The following KL variants were observed in gnomAD, a reference collection of about 807,000 sequenced individuals.
The protein encoded by KL is alpha-klotho.
KL carries 62 observed loss-of-function variants against 84.2 expected under a neutral mutation model. The observed-to-expected ratio is 0.74, with a 90% CI of 0.60 to 0.91. The LOEUF is 0.91. KL is among the 40% of genes least tolerant of loss of function. The pLI is 0.00. For missense variants in KL, 1,261 were observed against 1,305.7 expected (o/e 0.97, Z 0.53); for synonymous variants, 528 against 528.0 (o/e 1.00, Z 0.00).
intron 1 of KL, among the ~76,000 whole-genome samples, chr13:33,031,593 A>G (rs912163890): frequency 6.6e-6 from 1 of 152,230 alleles, no homozygotes; most frequent in African/African-American, 2.4e-5. Context: ...AATACTAACA[A>G]TGATTTAAAT....
At chr13:33,024,346 G>A (rs942783435) in intron 1 of KL, among the ~76,000 whole-genome samples, 6 of 152,206 alleles carry the variant, frequency 3.9e-5, no homozygotes, top group African/African-American at 1.2e-4. Flanking sequence ...GTCTTCTGAC[G>A]TTTCAGGATA....
chr13:33,053,671 T>G, intron 1 of KL, 96 bp from the exon 2 acceptor site: 6 of 1,171,784 alleles, frequency 5.1e-6, no homozygotes, highest in Non-Finnish European at 7.5e-6. Flanking sequence ...TTAGGCTTGA[T>G]GAGAAACAGA....
chr13:33,047,247 CATA>C (rs1399494599), intron 1 of KL, among the ~76,000 whole-genome samples: 1 of 152,090 alleles, frequency 6.6e-6, no homozygotes, highest in African/African-American at 2.4e-5. Flanking sequence ...TGTCCATTTG[CATA>C]ATATGTCTCT....
rs760280213 is a variant in KL, at chr13:33,061,298, C to T, written c.2219C>T (p.Pro740Leu). ...LQADWIEPAC[P>L]FSQKDKEVAE... ...GCTGATTGGATAGAACCTGCCTGCC[C>T]TTTCTCCCAAAAGGACAAAGAGGTG... is the stretch of plus-strand genomic sequence containing the variant. Residue 740 changes from proline to leucine, a missense_variant, in exon 4 of 5, where the codon CCT becomes CTT. Pro to Leu is a moderately conservative substitution (Grantham distance 98). Transcript: ENST00000380099. 14 of 1,614,090 alleles carry T rather than the reference C, an allele frequency of 8.7e-6. No homozygotes were observed. The Admixed American group carries it at 2.0e-4, about 23-fold the overall frequency.
intron 1 of KL, 83 bp downstream of exon 1, chr13:33,017,342 G>A (rs1169590492): frequency 2.3e-6 from 3 of 1,282,816 alleles, no homozygotes; most frequent in African/African-American, 1.5e-5. Flanking sequence ...TGGGAACTGA[G>A]TCTCCCCCAG....
rs1870604388 is a variant in KL, at chr13:33,022,299, A to C, written c.819+5040A>C. 2.0e-5 allele frequency among the ~76,000 whole-genome samples: 3 copies of C among 152,234 alleles called. No homozygotes were observed. The South Asian group carries it at 6.2e-4, about 32-fold the overall frequency. Reference sequence around the variant, plus strand: ...CCTTCTGAATTATCTTATATTCTCAAAAATATCATTGCTCTAAACTAGAAT... The same window carrying C: ...CCTTCTGAATTATCTTATATTCTCACAAATATCATTGCTCTAAACTAGAAT... On this transcript the variant is annotated intron_variant, in intron 1 of 4. Transcript: ENST00000380099.
At chr13:33,047,235 G>A (rs1318289274) in intron 1 of KL, among the ~76,000 whole-genome samples, 1 of 151,978 alleles carries the variant, frequency 6.6e-6, no homozygotes, top group African/African-American at 2.4e-5. Context: ...GATTTTTAAT[G>A]CTGTCCATTT....
Position 33,064,013 on chromosome 13 carries a change from C to T in KL, c.2866C>T (p.Pro956Ser), listed in dbSNP as rs1872314003. The stretch of plus-strand genomic sequence containing the variant: ...TATTGACAGCAATGGTTTCCCGGGC[C>T]CAGAAACTCTGGAAAGATTTTGTCC... ...KIIDSNGFPGPETLERFCPEE... is the reference protein window; with the variant it reads ...KIIDSNGFPGSETLERFCPEE... Residue 956 changes from proline (P) to serine (S), a missense_variant, in exon 5 of 5, where the codon CCA becomes TCA. Pro to Ser is a moderately conservative substitution (Grantham distance 74, BLOSUM62 -1). Transcript: ENST00000380099. The T allele has an allele frequency of 6.2e-7, 1 of 1,614,106 alleles. No homozygotes were observed. Among genetic ancestry groups the T allele is most frequent in the Admixed American group, 1.7e-5 (1 of 60,016 alleles).
chr13:33,063,747 A>C (rs1224263267), intron 4 of KL, 102 bp from the exon 5 acceptor site: 3 of 1,052,074 alleles, frequency 2.9e-6, no homozygotes, highest in Non-Finnish European at 4.4e-6. Context: ...ATTGCACTCC[A>C]GCCTGTGTGA....
At chr13:33,060,110 C>T (rs113641166) in intron 3 of KL, among the ~76,000 whole-genome samples, 2 of 152,050 alleles carry the variant, frequency 1.3e-5, no homozygotes, top group Non-Finnish European at 2.9e-5. Flanking sequence ...ACTACAGGCC[C>T]GTGCCACCAT....
At chr13:33,033,493 A>C (rs1871046363) in intron 1 of KL, among the ~76,000 whole-genome samples, 1 of 152,076 alleles carries the variant, frequency 6.6e-6, no homozygotes, top group Admixed American at 6.6e-5. Flanking sequence ...CCATCCAGCC[A>C]CACTGAAGGT....
At chr13:33,063,787 A>T (rs1040351309) in intron 4 of KL, 62 bp from the exon 5 acceptor site, 2 of 1,484,136 alleles carry the variant, frequency 1.3e-6, no homozygotes, top group Admixed American at 3.4e-5. Context: ...AAAAAAAAAA[A>T]AAAGTGATGT....
intron 1 of KL, among the ~76,000 whole-genome samples, chr13:33,047,662 T>C (rs1871588048): frequency 6.6e-6 from 1 of 152,250 alleles, no homozygotes; most frequent in African/African-American, 2.4e-5. Context: ...TGTCTTGTAC[T>C]TGGAACATTT....
At chr13:33,048,753 CTGTT>C (rs1871632417) in intron 1 of KL, among the ~76,000 whole-genome samples, 1 of 152,240 alleles carries the variant, frequency 6.6e-6, no homozygotes, top group Non-Finnish European at 1.5e-5. Flanking sequence ...GGCTCATCAC[CTGTT>C]TCCTTCCACC....
chr13:33,043,228 C>CTTTT lies in KL; in HGVS notation c.820-10529_820-10526dup, dbSNP rs56697823. ...GTCCTTGCCAGAATTTGTTGGTAGT[C>CTTTT]TTTTTTTTTTTTTGAGGCAGCATCT... On this transcript the variant is annotated intron_variant, in intron 1 of 4. Coordinates refer to ENST00000380099, the MANE Select transcript of KL (RefSeq NM_004795.4). Among the ~76,000 whole-genome samples, 210 of 144,926 alleles carry CTTTT rather than the reference C, an allele frequency of 1.4e-3. 1 individual carries two copies. Among genetic ancestry groups the CTTTT allele is most frequent in the Middle Eastern group, 0.011 (3 of 278 alleles).
intron 3 of KL, among the ~76,000 whole-genome samples, chr13:33,057,322 C>G: frequency 6.6e-6 from 1 of 152,076 alleles, no homozygotes; most frequent in Non-Finnish European, 1.5e-5. Flanking sequence ...CTGTTCTATT[C>G]CTCATCAGGG....
Position 33,064,285 on chromosome 13 carries a change from A to G in KL, c.*99A>G, listed in dbSNP as rs974251292. ...TAAGTGTTGTGAAACTGTAAATTTC[A>G]TACATTTGACTTCTAGAAAACATTT... On this transcript the variant is annotated 3_prime_UTR_variant, in exon 5 of 5. Transcript: ENST00000380099. 1.1e-5 allele frequency: 10 copies of G among 949,758 alleles called. No homozygotes were observed. The East Asian group carries it at 2.0e-4, about 19-fold the overall frequency. 58.8% of individuals were successfully genotyped at this position (949,758 alleles called of 1,614,324 possible). A position where few individuals can be genotyped will look rare whatever the true frequency, so the allele number is the denominator to read the frequency against.
At position 33,053,971 on chromosome 13, in the gene KL, A is replaced by G; in HGVS notation, c.1024A>G (p.Lys342Glu). The G allele has an allele frequency of 6.2e-7, 1 of 1,614,022 alleles. No homozygotes were observed. The highest frequency in any genetic ancestry group is 8.5e-7 in the Non-Finnish European group (1 of 1,179,882). Residue 342 changes from lysine (K) to glutamate (E), a missense_variant, in exon 2 of 5, where the codon AAG (lysine) becomes GAG (glutamate). By Grantham distance (56) the Lys-to-Glu change is moderately conservative. Transcript: ENST00000380099. ...FIDGDYPESM[K>E]NNLSSILPDF... Reference sequence around the variant, plus strand: ...TGATGGTGACTATCCCGAGAGCATGAAGAATAACCTTTCATCTATTCTGCC... The same window carrying G: ...TGATGGTGACTATCCCGAGAGCATGGAGAATAACCTTTCATCTATTCTGCC...
chr13:33,046,215 G>C (rs868480331), intron 1 of KL, among the ~76,000 whole-genome samples: 2 of 152,164 alleles, frequency 1.3e-5, no homozygotes, highest in African/African-American at 4.8e-5. Context: ...GAAAAGAGTC[G>C]TGTTAATTCT....
Sources: gnomAD v4.1 joint callset for allele counts (sites outside exome capture counted in the v4.1 genomes callset) on GRCh38, gnomAD v4.1.1 for gene constraint, MANE v1.5 for transcripts, NCBI Gene and HGNC (gene_info 2026-07-23, HGNC 2026-07-21) for gene names.